DENND2A: variants seen among roughly 807,000 people sequenced by gnomAD.
The protein encoded by DENND2A is DENN domain containing 2A.
Under a neutral mutation model 105.3 loss-of-function variants are expected in DENND2A, and 53 were observed. The ratio of observed to expected loss-of-function variants is 0.50; its 90% CI spans 0.40 to 0.63. The LOEUF (loss-of-function observed/expected upper bound fraction) is 0.63. DENND2A is among the 30% of genes least tolerant of loss of function. The pLI is 0.00. For synonymous variants in DENND2A, 522 were observed against 508.4 expected, an observed-to-expected ratio of 1.03 and a Z score of -0.36; for missense variants, 1,138 against 1,279.6, an observed-to-expected ratio of 0.89 and a Z score of 1.69.
intron 4 of DENND2A, 36 bp from the exon 5 acceptor site, chr7:140,585,746 C>T: frequency 1.2e-6 from 2 of 1,613,540 alleles, no homozygotes; most frequent in Non-Finnish European, 8.5e-7. Context: ...AACCTGGGAA[C>T]ACTGAGGACA....
rs979400787 is a variant in DENND2A at position 140,518,628 on chromosome 7, G to A, written c.*79C>T. The A allele has an allele frequency of 1.4e-6, 2 of 1,481,390 alleles. No homozygotes were observed. Among genetic ancestry groups the A allele is most frequent in the African/African-American group, 2.8e-5 (2 of 71,992 alleles). 91.8% of individuals were successfully genotyped at this position (1,481,390 alleles called of 1,614,324 possible). On this transcript the variant is annotated 3_prime_UTR_variant, in exon 20 of 20. Transcript: ENST00000496613. ...CCGCACCGTGACAACCTGGGACCCAGCCTTTCAGAAAGGCCACCAGGAACT... is the reference window on the plus strand; with the variant it reads ...CCGCACCGTGACAACCTGGGACCCAACCTTTCAGAAAGGCCACCAGGAACT...
At chr7:140,632,309 C>G (rs766441507) in intron 1 of DENND2A, among the ~76,000 whole-genome samples, 4 of 152,098 alleles carry the variant, frequency 2.6e-5, no homozygotes, top group Non-Finnish European at 5.9e-5. Flanking sequence ...TCATATGCAA[C>G]CTTGGACTAC....
intron 3 of DENND2A, among the ~76,000 whole-genome samples, chr7:140,597,046 A>G (rs989732182): frequency 3.9e-5 from 6 of 152,166 alleles, no homozygotes; most frequent in African/African-American, 1.4e-4. Flanking sequence ...TAAAGAAATG[A>G]AGAAAGAAAA....
intron 3 of DENND2A, among the ~76,000 whole-genome samples, chr7:140,590,478 T>G (rs1424763458): frequency 6.6e-6 from 1 of 152,230 alleles, no homozygotes; most frequent in African/African-American, 2.4e-5. Flanking sequence ...GATTAGCTTT[T>G]ATCCCAGTGG....
Position 140,559,312 on chromosome 7 carries a change from T to C in DENND2A, c.1889+396A>G, listed in dbSNP as rs1031804237. On this transcript the variant is annotated intron_variant, in intron 10 of 19. Coordinates refer to ENST00000496613, the MANE Select transcript of DENND2A (RefSeq NM_015689.5). This position sits in a 1 kb window ranked among gnomAD's most constrained non-coding sequence, Gnocchi z 4.1. ...TTTGGCCAAATGCGGAAACATCTGATAATAAAAACACTGGTGTCTAATTAC... is the reference window on the plus strand; with the variant it reads ...TTTGGCCAAATGCGGAAACATCTGACAATAAAAACACTGGTGTCTAATTAC... Among the ~76,000 whole-genome samples the C allele has an allele frequency of 2.6e-5, 4 of 152,176 alleles. No homozygotes were observed. The highest frequency in any genetic ancestry group is 1.3e-4 in the Admixed American group (2 of 15,274).
intron 6 of DENND2A, 29 bp from the exon 7 acceptor site, chr7:140,569,767 G>A (rs750994536): frequency 1.2e-4 from 180 of 1,498,912 alleles, no homozygotes; most frequent in Non-Finnish European, 2.2e-5. Flanking sequence ...AGAACAGCCA[G>A]TGTTAGCAGC....
intron 12 of DENND2A, among the ~76,000 whole-genome samples, chr7:140,552,210 C>T (rs1217691016): frequency 6.6e-6 from 1 of 152,184 alleles, no homozygotes; most frequent in Non-Finnish European, 1.5e-5. Flanking sequence ...TGGCCAACCC[C>T]AACATAAAGT....
intron 5 of DENND2A, among the ~76,000 whole-genome samples, chr7:140,579,023 C>T (rs1356245764): frequency 3.9e-5 from 6 of 152,244 alleles, no homozygotes; most frequent in Non-Finnish European, 7.4e-5. Flanking sequence ...TGGCCTGGAG[C>T]GGTGGCTCAT....
intron 11 of DENND2A, among the ~76,000 whole-genome samples, chr7:140,557,532 T>TATATA (rs71173208): frequency 1.5e-3 from 22 of 14,228 alleles, no homozygotes; most frequent in African/African-American, 2.9e-3. Context: ...TATATATATA[T>TATATA]TTTTTTTTTT....
chr7:140,638,618 T>C (rs527877478), intron 1 of DENND2A, among the ~76,000 whole-genome samples: 116 of 152,186 alleles, frequency 7.6e-4, no homozygotes, highest in African/African-American at 2.5e-3. Context: ...CCCTGACAGC[T>C]CCCGCCTCAC....
At chr7:140,553,077 GAGAA>G (rs1478830994) in intron 12 of DENND2A, among the ~76,000 whole-genome samples, 1 of 152,108 alleles carries the variant, frequency 6.6e-6, no homozygotes, top group African/African-American at 2.4e-5. Context: ...ACAAAGTATA[GAGAA>G]AGAAATAAGG....
intron 2 of DENND2A, among the ~76,000 whole-genome samples, chr7:140,603,376 T>C (rs1480892096): frequency 6.6e-6 from 1 of 152,242 alleles, no homozygotes; most frequent in Non-Finnish European, 1.5e-5. Context: ...CACAGGCAGT[T>C]CTTTGCAATG....
At chr7:140,551,463 A>T (rs1797137204) in intron 12 of DENND2A, among the ~76,000 whole-genome samples, 1 of 152,050 alleles carries the variant, frequency 6.6e-6, no homozygotes, top group Admixed American at 6.6e-5. Flanking sequence ...TGCCATTGCC[A>T]CGAGAAGAGC....
intron 14 of DENND2A, among the ~76,000 whole-genome samples, chr7:140,529,208 T>C (rs764440193): frequency 2.6e-4 from 39 of 151,818 alleles, no homozygotes; most frequent in Non-Finnish European, 4.1e-4. Flanking sequence ...CCTATAATCA[T>C]AGCATTTTGG....
intron 12 of DENND2A, among the ~76,000 whole-genome samples, chr7:140,551,611 C>T (rs1797143423): frequency 6.6e-6 from 1 of 152,186 alleles, no homozygotes; most frequent in Admixed American, 6.5e-5. Context: ...CAAGCCCAAA[C>T]CCCAGCTGAC....
At chr7:140,540,663 C>T (rs190580205) in intron 14 of DENND2A, among the ~76,000 whole-genome samples, 3 of 152,078 alleles carry the variant, frequency 2.0e-5, no homozygotes, top group East Asian at 1.9e-4. Context: ...AGCAAAAAGG[C>T]GGAGGCGTCA....
At chr7:140,594,067 T>G (rs1363244433) in intron 3 of DENND2A, among the ~76,000 whole-genome samples, 1 of 151,898 alleles carries the variant, frequency 6.6e-6, no homozygotes, top group Non-Finnish European at 1.5e-5. Context: ...CATCCATGCC[T>G]GACTAATTTT....
chr7:140,542,573 T>C (rs1246737001), intron 14 of DENND2A, among the ~76,000 whole-genome samples: 3 of 148,556 alleles, frequency 2.0e-5, no homozygotes, highest in African/African-American at 7.4e-5. Context: ...CTCTTTTTTT[T>C]TTTTTTTTTT....
intron 1 of DENND2A, among the ~76,000 whole-genome samples, chr7:140,606,626 A>G (rs879887807): frequency 6.6e-6 from 1 of 152,134 alleles, no homozygotes; most frequent in Non-Finnish European, 1.5e-5. Flanking sequence ...AGAGCACCCC[A>G]TGGGGAGCCC....
Sources: gnomAD v4.1 joint callset for allele counts (sites outside exome capture counted in the v4.1 genomes callset) on GRCh38, gnomAD v4.1.1 for gene constraint, Gnocchi (gnomAD v3.1) non-coding constraint, MANE v1.5 for transcripts, NCBI Gene and HGNC (gene_info 2026-07-23, HGNC 2026-07-21) for gene names.